The following ATP10A variants were observed in gnomAD, a reference collection of about 807,000 sequenced individuals.
ATP10A encodes the protein ATPase phospholipid transporting 10A (putative), also known as phospholipid-transporting ATPase VA.
In ATP10A, 111 loss-of-function variants were observed where a neutral mutation model predicts 147.8. The observed-to-expected ratio is 0.75, with a 90% CI of 0.64 to 0.88. The LOEUF (loss-of-function observed/expected upper bound fraction) is 0.88, where lower values mean the gene tolerates loss of function less well. Ranked by LOEUF, ATP10A falls within the 40% of genes least tolerant of loss-of-function variation. ATP10A has a pLI of 0.00. For missense variants in ATP10A, 1,927 were observed against 1,959.0 expected, an observed-to-expected ratio of 0.98 and a Z score of 0.31; for synonymous variants, 875 against 841.6, an observed-to-expected ratio of 1.04 and a Z score of -0.69.
At chr15:25,726,447 C>T (rs1477772652) in intron 4 of ATP10A, among the ~76,000 whole-genome samples, 18 of 142,066 alleles carry the variant, frequency 1.3e-4, no homozygotes, top group Non-Finnish European at 1.9e-4. Flanking sequence ...TGCTTTTTTT[C>T]TTTTTTTTTT....
At chr15:25,767,165 C>T (rs1889071515) in intron 2 of ATP10A, among the ~76,000 whole-genome samples, 2 of 152,212 alleles carry the variant, frequency 1.3e-5, no homozygotes, top group African/African-American at 4.8e-5. Context: ...CCGCTGCAGG[C>T]CTTTCAGCCT....
chr15:25,737,681 C>T (rs113720661), intron 2 of ATP10A, among the ~76,000 whole-genome samples: 83 of 152,200 alleles, frequency 5.5e-4, no homozygotes, highest in Middle Eastern at 3.4e-3. Flanking sequence ...GCCCCTCATC[C>T]GCCGCTAGAA....
Position 25,714,250 on chromosome 15 carries a change from G to A in ATP10A, c.1777-9C>T. ...TCAAACCTCACCCTCACCTGCAAGA[G>A]AAATGGTCAGAAGGCAGGTGAGGGA... On this transcript the variant is annotated splice_polypyrimidine_tract_variant and intron_variant, in intron 9 of 20. Transcript: ENST00000555815. 1 of 1,598,688 alleles carries A rather than the reference G, an allele frequency of 6.3e-7. No homozygotes were observed. The highest frequency in any genetic ancestry group is 8.5e-7 in the Non-Finnish European group (1 of 1,179,802).
At chr15:25,857,458 AT>A (rs1171757898) in intron 1 of ATP10A, among the ~76,000 whole-genome samples, 7 of 151,830 alleles carry the variant, frequency 4.6e-5, no homozygotes, top group East Asian at 1.9e-4. Flanking sequence ...AAAAATAATA[AT>A]TTTTTTTAGG....
chr15:25,672,285 C>A (rs946661705), downstream of ATP10A, among the ~76,000 whole-genome samples: 7 of 152,204 alleles, frequency 4.6e-5, no homozygotes, highest in Non-Finnish European at 1.0e-4. Flanking sequence ...TTCCTGTCCT[C>A]TAGGTTCATC....
At chr15:25,827,600 T>C (rs1444618) in intron 1 of ATP10A, among the ~76,000 whole-genome samples, 137,988 of 152,230 alleles carry the variant, frequency 0.91, 63,413 homozygotes, top group Non-Finnish European at 0.99. Context: ...GAAATTTAGA[T>C]GCTAATTAAA....
chr15:25,740,734 A>G (rs1174503239), intron 2 of ATP10A, among the ~76,000 whole-genome samples: 3 of 152,224 alleles, frequency 2.0e-5, no homozygotes, highest in East Asian at 1.9e-4. Flanking sequence ...GCCACCTGCT[A>G]TGGGCCTGTT....
intron 2 of ATP10A, among the ~76,000 whole-genome samples, chr15:25,756,536 G>A (rs913364124): frequency 6.6e-6 from 1 of 152,030 alleles, no homozygotes; most frequent in African/African-American, 2.4e-5. Context: ...CCAGCTACTC[G>A]GGAGACTGAG....
intron 1 of ATP10A, among the ~76,000 whole-genome samples, chr15:25,849,064 T>G (rs1893162478): frequency 6.6e-6 from 1 of 151,922 alleles, no homozygotes; most frequent in South Asian, 2.1e-4. Flanking sequence ...GGAGAGTCTT[T>G]TCTGTGCCTT....
chr15:25,806,203 C>T lies in ATP10A; in HGVS notation c.450-24980G>A, dbSNP rs1213407856. Among the ~76,000 whole-genome samples the T allele has an allele frequency of 2.0e-5, 3 of 152,156 alleles. No homozygotes were observed. The East Asian group carries it at 5.8e-4, about 29-fold the overall frequency. Reference sequence around the variant, plus strand: ...TCTGCCACCCTGAGGCAGCAAGATGCCCTCCACTTCCTCCTCAGCACGCTC... The same window carrying T: ...TCTGCCACCCTGAGGCAGCAAGATGTCCTCCACTTCCTCCTCAGCACGCTC... On this transcript the variant is annotated intron_variant, in intron 1 of 20. Transcript: ENST00000555815.
chr15:25,683,297 G>C lies in ATP10A; in HGVS notation c.3481C>G (p.Gln1161Glu). 5 of 1,613,796 alleles carry C rather than the reference G, an allele frequency of 3.1e-6. No individual in the cohort carries two copies. The highest frequency in any genetic ancestry group is 4.2e-6 in the Non-Finnish European group (5 of 1,179,982). The change falls in exon 17 of 21, where the codon CAG becomes GAG. Residue 1161 changes from glutamine (Q) to glutamate (E), a missense_variant. Gln to Glu is a conservative substitution (Grantham distance 29). Transcript: ENST00000555815. The part of the protein sequence containing the change: ...LTNPQLYKSG[Q>E]NMEEYRPRTF... ...CGGGGGAGCTTTACCTCCATGTTCT[G>C]GCCACTCTTGTAGAGCTGCGGGTTG... is the stretch of plus-strand genomic sequence containing the variant.
At chr15:25,864,905 C>T (rs75823608), upstream of ATP10A, 725 of 152,494 alleles carry the variant, frequency 4.8e-3, 3 homozygotes, top group African/African-American at 0.017. Context: ...CAGGCATCCC[C>T]GTGGACCCTT....
Position 25,687,558 on chromosome 15 carries a change from A to T in ATP10A, c.3291+145T>A, listed in dbSNP as rs766303429. Reference sequence around the variant, plus strand: ...ACAGAGTGCAGAGCCAGCCCAGGACAGGGGACAATTACACAGGCGAAGGAG... The same window carrying T: ...ACAGAGTGCAGAGCCAGCCCAGGACTGGGGACAATTACACAGGCGAAGGAG... On this transcript the variant is annotated intron_variant, in intron 16 of 20. Transcript: ENST00000555815. 5.2e-6 allele frequency: 3 copies of T among 572,672 alleles called. No individual in the cohort carries two copies. In the African/African-American group the frequency reaches 6.0e-5, roughly 11 times the overall value. The allele number at this position is 572,672 out of a possible 1,614,324, so 35.5% of individuals were successfully genotyped here. A position where few individuals can be genotyped will look rare whatever the true frequency, so the allele number is the denominator to read the frequency against.
intron 15 of ATP10A, among the ~76,000 whole-genome samples, chr15:25,691,404 C>T (rs2291353): frequency 0.78 from 118,230 of 152,072 alleles, 46,384 homozygotes; most frequent in Non-Finnish European, 0.85. Flanking sequence ...CTGCTGGGAC[C>T]GAGCCATCGA....
At chr15:25,692,235 C>G (rs1326334254) in intron 14 of ATP10A, among the ~76,000 whole-genome samples, 4 of 152,100 alleles carry the variant, frequency 2.6e-5, no homozygotes, top group Non-Finnish European at 5.9e-5. Flanking sequence ...CGTTGTGGAG[C>G]TCTTTTTTTT....
At chr15:25,791,388 G>A (rs1237930357) in intron 1 of ATP10A, among the ~76,000 whole-genome samples, 1 of 151,990 alleles carries the variant, frequency 6.6e-6, no homozygotes, top group Non-Finnish European at 1.5e-5. Flanking sequence ...GTTAGAGTCA[G>A]GGTTTCACTC....
intron 1 of ATP10A, among the ~76,000 whole-genome samples, chr15:25,838,999 T>C (rs1008104967): frequency 3.3e-5 from 5 of 152,186 alleles, no homozygotes; most frequent in African/African-American, 1.2e-4. Context: ...CATAGCAGTA[T>C]AGTATTTATT....
chr15:25,825,234 G>C (rs1892067260), intron 1 of ATP10A, among the ~76,000 whole-genome samples: 2 of 152,124 alleles, frequency 1.3e-5, no homozygotes, highest in African/African-American at 4.8e-5. Flanking sequence ...ATTAGAGGCA[G>C]TTGTTTAGAA....
intron 2 of ATP10A, among the ~76,000 whole-genome samples, chr15:25,737,747 G>A (rs999440020): frequency 1.3e-5 from 2 of 152,144 alleles, no homozygotes; most frequent in African/African-American, 4.8e-5. Flanking sequence ...TATTTAGAGA[G>A]GAAGTCTTTA....
Sources: gnomAD v4.1 joint callset for allele counts (sites outside exome capture counted in the v4.1 genomes callset) on GRCh38, gnomAD v4.1.1 for gene constraint, MANE v1.5 for transcripts, NCBI Gene and HGNC (gene_info 2026-07-23, HGNC 2026-07-21) for gene names.